CRISP1: variants seen among roughly 807,000 people sequenced by gnomAD.
CRISP1 encodes the protein cysteine-rich secretory protein 1.
Under a neutral mutation model 33.1 loss-of-function variants are expected in CRISP1, and 44 were observed. The ratio of observed to expected loss-of-function variants is 1.33; its 90% CI spans 1.05 to 1.71. The LOEUF (loss-of-function observed/expected upper bound fraction) is 1.71, where lower values mean the gene tolerates loss of function less well. Among genes scored for constraint, CRISP1 ranks in the 40% most tolerant of loss-of-function variants. The probability of loss-of-function intolerance (pLI) is 0.00; values close to 1 mark genes in which losing one functional copy is unlikely to be tolerated. For synonymous variants in CRISP1, 103 were observed against 98.7 expected, an observed-to-expected ratio of 1.04 and a Z score of -0.26; for missense variants, 390 against 301.2, an observed-to-expected ratio of 1.29 and a Z score of -2.18.
rs780016479 is a variant in CRISP1, at chr6:49,851,997, T to G, written c.195+4A>C. On this transcript the variant is annotated splice_donor_region_variant and intron_variant, in intron 3 of 7. Transcript: ENST00000335847. The stretch of plus-strand genomic sequence containing the variant: ...TCATGGTTGTTGCTATTTTTTGATC[T>G]TACCATCTTCAGCATGTTGCTGGCT... 6.2e-7 allele frequency: 1 copy of G among 1,603,174 alleles called. No homozygotes were observed.
chr6:49,838,447 G>T lies in CRISP1; in HGVS notation c.612C>A (p.Asp204Glu). Residue 204 changes from aspartate to glutamate, a missense_variant, in exon 7 of 8, where the codon GAC becomes GAA. By Grantham distance (45) the Asp-to-Glu change is conservative. Transcript: ENST00000335847. The part of the protein sequence containing the change: ...PCEACPSNCE[D>E]KLCTNPCIYY... ...TGCAAACAAACTTACTGCAAAGTTT[G>T]TCTTCACAGTTACTTGGGCAGGCTT... 1 of 1,611,360 alleles carries T rather than the reference G, an allele frequency of 6.2e-7. No individual in the cohort carries two copies. Among genetic ancestry groups the T allele is most frequent in the Non-Finnish European group, 8.5e-7 (1 of 1,178,440 alleles).
intron 1 of CRISP1, among the ~76,000 whole-genome samples, chr6:49,865,713 C>T (rs188763698): frequency 6.6e-6 from 1 of 152,004 alleles, no homozygotes; most frequent in East Asian, 1.9e-4. Context: ...GCAGGAAGGG[C>T]CCAAAGGGAA....
chr6:49,846,684 G>T lies in CRISP1; in HGVS notation c.287-16C>A, dbSNP rs1244932026. The T allele has an allele frequency of 4.3e-6, 7 of 1,611,540 alleles. No individual in the cohort carries two copies. Among genetic ancestry groups the T allele is most frequent in the Non-Finnish European group, 5.1e-6 (6 of 1,178,724 alleles). The stretch of plus-strand genomic sequence containing the variant: ...CAAAAGGTATCTGAAATGAGAAAAC[G>T]GGCTGGGTCATACTCTGAACAAATG... On this transcript the variant is annotated splice_polypyrimidine_tract_variant and intron_variant, in intron 4 of 7. Coordinates refer to ENST00000335847, the MANE Select transcript of CRISP1 (RefSeq NM_001131.3).
At chr6:49,837,825 G>A (rs1770850751) in intron 7 of CRISP1, among the ~76,000 whole-genome samples, 1 of 151,524 alleles carries the variant, frequency 6.6e-6, no homozygotes, top group South Asian at 2.1e-4. Context: ...AGTGAAATTT[G>A]GCTATCTAAG....
intron 1 of CRISP1, among the ~76,000 whole-genome samples, chr6:49,859,697 A>G (rs955016293): frequency 6.6e-6 from 1 of 152,178 alleles, no homozygotes; most frequent in Non-Finnish European, 1.5e-5. Context: ...ACCATGATAA[A>G]CAATAAGAGA....
intron 7 of CRISP1, 61 bp downstream of exon 7, chr6:49,838,376 G>A: frequency 8.6e-7 from 1 of 1,162,016 alleles, no homozygotes. Context: ...TTAATTTAAA[G>A]GATGTATGGT....
At chr6:49,844,120 A>G (rs750467223) in intron 5 of CRISP1, among the ~76,000 whole-genome samples, 1 of 152,210 alleles carries the variant, frequency 6.6e-6, no homozygotes, top group Non-Finnish European at 1.5e-5. Flanking sequence ...TCATTAGCCC[A>G]TCTATATTGC....
At chr6:49,858,161 G>A (rs1273084477) in intron 1 of CRISP1, among the ~76,000 whole-genome samples, 4 of 152,160 alleles carry the variant, frequency 2.6e-5, no homozygotes, top group Non-Finnish European at 4.4e-5. Flanking sequence ...GTGACTTAGC[G>A]ATATTCCATA....
At chr6:49,851,030 G>A (rs1402405345) in intron 3 of CRISP1, among the ~76,000 whole-genome samples, 1 of 152,076 alleles carries the variant, frequency 6.6e-6, no homozygotes, top group African/African-American at 2.4e-5. Flanking sequence ...AATGTAACAA[G>A]GTATTAGAAA....
chr6:49,849,633 A>G (rs1305611810), intron 3 of CRISP1, among the ~76,000 whole-genome samples: 1 of 152,138 alleles, frequency 6.6e-6, no homozygotes, highest in Non-Finnish European at 1.5e-5. Context: ...GAAGTCATAG[A>G]GTTTGTTTTT....
Position 49,860,351 on chromosome 6 carries a change from G to C in CRISP1, c.-2-2949C>G, listed in dbSNP as rs193046241. ...CATCAGCACATGAAACATTCTCTAG[G>C]ATGGACCATATGTTACAAAACAAAA... is the stretch of plus-strand genomic sequence containing the variant. On this transcript the variant is annotated intron_variant, in intron 1 of 7. Transcript: ENST00000335847. Among the ~76,000 whole-genome samples, 15 of 152,250 alleles carry C rather than the reference G, an allele frequency of 9.9e-5. No homozygotes were observed. In the East Asian group the frequency reaches 2.7e-3, roughly 27 times the overall value.
chr6:49,842,526 C>G (rs773955748), intron 5 of CRISP1, among the ~76,000 whole-genome samples: 1 of 152,138 alleles, frequency 6.6e-6, no homozygotes, highest in Non-Finnish European at 1.5e-5. Context: ...TATGAACATA[C>G]TAATGTATTT....
At chr6:49,875,077 A>G (rs1027155291) in intron 1 of CRISP1, among the ~76,000 whole-genome samples, 3 of 152,040 alleles carry the variant, frequency 2.0e-5, no homozygotes, top group African/African-American at 7.2e-5. Flanking sequence ...AGGCAAGAGA[A>G]GAAAATAAAG....
intron 7 of CRISP1, among the ~76,000 whole-genome samples, chr6:49,836,501 A>G (rs1770799312): frequency 6.6e-6 from 1 of 150,954 alleles, no homozygotes; most frequent in South Asian, 2.1e-4. Flanking sequence ...ACGCCCTGCT[A>G]ATTTTTTTTT....
At chr6:49,855,661 A>T (rs191125695) in intron 2 of CRISP1, among the ~76,000 whole-genome samples, 75 of 152,272 alleles carry the variant, frequency 4.9e-4, no homozygotes, top group Admixed American at 7.9e-4. Context: ...TCCTCAAAAA[A>T]ACTTTTTGTG....
intron 6 of CRISP1, among the ~76,000 whole-genome samples, chr6:49,839,938 A>C (rs536512535): frequency 5.3e-5 from 8 of 152,332 alleles, no homozygotes; most frequent in African/African-American, 1.9e-4. Flanking sequence ...TTTCAAATAA[A>C]TCATGTTCAT....
chr6:49,837,121 G>A (rs574316079), intron 7 of CRISP1, among the ~76,000 whole-genome samples: 16 of 151,560 alleles, frequency 1.1e-4, no homozygotes, highest in African/African-American at 3.9e-4. Context: ...AATTTTATTT[G>A]AATTACATTA....
intron 5 of CRISP1, among the ~76,000 whole-genome samples, 157 bp from the exon 6 acceptor site, chr6:49,841,152 G>A (rs565246606): frequency 2.6e-5 from 4 of 152,268 alleles, no homozygotes; most frequent in East Asian, 1.9e-4. Flanking sequence ...GGACTCCCAC[G>A]TGTCTGGATA....
chr6:49,876,213 T>C (rs1320759442), intron 1 of CRISP1, among the ~76,000 whole-genome samples: 1 of 149,852 alleles, frequency 6.7e-6, no homozygotes, highest in African/African-American at 2.4e-5. Context: ...ACACCACCAA[T>C]AAAGGTGGGC....
Sources: gnomAD v4.1 joint callset for allele counts (sites outside exome capture counted in the v4.1 genomes callset) on GRCh38, gnomAD v4.1.1 for gene constraint, MANE v1.5 for transcripts, NCBI Gene and HGNC (gene_info 2026-07-23, HGNC 2026-07-21) for gene names.